The following BAZ2B variants were observed in gnomAD, a reference collection of about 807,000 sequenced individuals.
The protein encoded by BAZ2B is bromodomain adjacent to zinc finger domain protein 2B.
In BAZ2B, 91 loss-of-function variants were observed where a neutral mutation model predicts 246.0. The observed-to-expected ratio is 0.37, with a 90% confidence interval of 0.31 to 0.44. The LOEUF (loss-of-function observed/expected upper bound fraction) is 0.44. BAZ2B is among the 20% of genes least tolerant of loss of function. The pLI, the probability that BAZ2B is intolerant of heterozygous loss-of-function variation, is 1.00. For missense variants in BAZ2B, 2,332 were observed against 2,533.7 expected, an observed-to-expected ratio of 0.92 and a Z score of 1.71; for synonymous variants, 855 against 860.0, an observed-to-expected ratio of 0.99 and a Z score of 0.10.
Position 159,430,975 on chromosome 2 carries a change from G to A in BAZ2B, c.2082C>T (p.Asn694=), listed in dbSNP as rs764139090. ...AGCCTGGGGCTTTTGCTATGTGGAG[G>A]TTACGAGGTGTTGAGTGACCTGTGA... is the stretch of plus-strand genomic sequence containing the variant. ...MSLTGHSTPR[N]LHIAKAPGSA... is the part of the protein sequence containing the mutation. Residue 694 remains asparagine (N), a synonymous_variant, in exon 10 of 37, where the codon AAC becomes AAT. Transcript: ENST00000392783. 2 of 1,614,028 alleles carry A rather than the reference G, an allele frequency of 1.2e-6. No homozygotes were observed. Among genetic ancestry groups the A allele is most frequent in the Non-Finnish European group, 8.5e-7 (1 of 1,179,932 alleles).
intron 2 of BAZ2B, among the ~76,000 whole-genome samples, chr2:159,526,600 G>T (rs566085992): frequency 6.6e-6 from 1 of 152,210 alleles, no homozygotes; most frequent in South Asian, 2.1e-4. Context: ...GGAAGTGAAG[G>T]TTTAAGGTTT....
intron 3 of BAZ2B, among the ~76,000 whole-genome samples, chr2:159,467,983 T>C (rs1381266015): frequency 6.6e-6 from 1 of 152,080 alleles, no homozygotes; most frequent in African/African-American, 2.4e-5. Context: ...CATCTCAAAA[T>C]GTAAAGGGGA....
chr2:159,535,307 A>AGGTCAGGAGTTCAAGACCAGCCT (rs2085840395), intron 2 of BAZ2B, among the ~76,000 whole-genome samples: 1 of 152,196 alleles, frequency 6.6e-6, no homozygotes, highest in Non-Finnish European at 1.5e-5. Flanking sequence ...GGATCACTTG[A>AGGTCAGGAGTTCAAGACCAGCCT]GGTCAGGAGT....
At chr2:159,370,378 CT>C (rs55760591) in intron 27 of BAZ2B, among the ~76,000 whole-genome samples, 39 of 92,246 alleles carry the variant, frequency 4.2e-4, no homozygotes, top group Admixed American at 1.3e-3. Context: ...ACTGTACTAC[CT>C]TTTTTTTTTT....
At chr2:159,388,893 G>C (rs552020279) in intron 21 of BAZ2B, among the ~76,000 whole-genome samples, 2 of 151,902 alleles carry the variant, frequency 1.3e-5, no homozygotes, top group Non-Finnish European at 2.9e-5. Flanking sequence ...ATAAGAGTCT[G>C]CCGCTACAAA....
At chr2:159,395,443 C>A (rs1043652980) in intron 20 of BAZ2B, 2 of 170,588 alleles carry the variant, frequency 1.2e-5, no homozygotes, top group Non-Finnish European at 2.5e-5. Flanking sequence ...TTAGGACATA[C>A]AGGATTTGTC....
At chr2:159,423,488 T>C (rs916317930) in intron 13 of BAZ2B, among the ~76,000 whole-genome samples, 3 of 152,152 alleles carry the variant, frequency 2.0e-5, no homozygotes, top group African/African-American at 7.2e-5. Flanking sequence ...AAAACAGAAC[T>C]ACCATTAGAC....
the BAZ2B span, chr2:159,694,748 AGTT>A: frequency 6.6e-6 from 1 of 152,300 alleles, no homozygotes; most frequent in East Asian, 1.9e-4. Flanking sequence ...TGCACATTTC[AGTT>A]GTTTCCACAT....
intron 1 of BAZ2B, among the ~76,000 whole-genome samples, chr2:159,609,218 A>G (rs998442168): frequency 7.2e-5 from 11 of 152,166 alleles, no homozygotes; most frequent in Admixed American, 5.2e-4. Flanking sequence ...CCACCTAAAT[A>G]CTGTAAGAGC....
intron 10 of BAZ2B, among the ~76,000 whole-genome samples, chr2:159,429,570 A>T (rs546310752): frequency 6.6e-6 from 1 of 152,286 alleles, no homozygotes; most frequent in East Asian, 1.9e-4. Context: ...CAGGAGAGAA[A>T]TAGAGGTTTC....
At chr2:159,344,261 G>A (rs2067329670) in intron 31 of BAZ2B, among the ~76,000 whole-genome samples, 1 of 152,038 alleles carries the variant, frequency 6.6e-6, no homozygotes, top group Admixed American at 6.5e-5. Context: ...CATCTGGCCG[G>A]GTGTGGTGGC....
At chr2:159,569,934 A>C (rs1265848536) in intron 1 of BAZ2B, among the ~76,000 whole-genome samples, 2 of 152,170 alleles carry the variant, frequency 1.3e-5, no homozygotes, top group Non-Finnish European at 2.9e-5. Flanking sequence ...AGGTCAATAG[A>C]TTAAAATACA....
chr2:159,423,919 C>G (rs368370579), intron 13 of BAZ2B, among the ~76,000 whole-genome samples: 1 of 152,276 alleles, frequency 6.6e-6, no homozygotes, highest in East Asian at 1.9e-4. Flanking sequence ...CAATCGGGTA[C>G]TGTGCTCCAG....
chr2:159,370,259 T>G (rs113827618), intron 27 of BAZ2B, among the ~76,000 whole-genome samples: 23,123 of 151,764 alleles, frequency 0.15, 2,437 homozygotes, highest in African/African-American at 0.31. Flanking sequence ...ACATGGCACA[T>G]GTATACATAT....
the BAZ2B span, among the ~76,000 whole-genome samples, chr2:159,679,722 G>T: frequency 1.9e-4 from 29 of 152,284 alleles, no homozygotes; most frequent in East Asian, 3.1e-3. Context: ...TTATATATGA[G>T]AAAAGTGAAA....
the BAZ2B span, among the ~76,000 whole-genome samples, chr2:159,636,837 A>G: frequency 1.2e-4 from 19 of 152,212 alleles, no homozygotes; most frequent in Admixed American, 9.2e-4. Context: ...TTGGTCTTGC[A>G]TATTGGAAAC....
Position 159,385,271 on chromosome 2 carries a change from T to C in BAZ2B, c.3570A>G (p.Gln1190=). 2 of 1,613,544 alleles carry C rather than the reference T, an allele frequency of 1.2e-6. No individual in the cohort carries two copies. The highest frequency in any genetic ancestry group is 1.7e-6 in the Non-Finnish European group (2 of 1,179,642). The change falls in exon 23 of 37, where the codon CAA becomes CAG. Residue 1190 remains glutamine, a synonymous_variant. Coordinates refer to ENST00000392783, the MANE Select transcript of BAZ2B (RefSeq NM_013450.4). ...TCTTCAGACTTTCAGTAAGCTCAGT[T>C]TGTCCACAGTGGGCTTCCATAAATA... The part of the protein sequence containing the change: ...LQIFMEAHCG[Q]TELTESLKTK...
intron 20 of BAZ2B, 98 bp downstream of exon 20, chr2:159,395,671 C>A: frequency 6.3e-6 from 7 of 1,118,380 alleles, no homozygotes; most frequent in South Asian, 1.7e-5. Context: ...TAAATCACAA[C>A]AAACCTATAT....
chr2:159,399,160 T>C (rs1328349958), intron 17 of BAZ2B, among the ~76,000 whole-genome samples: 1 of 152,242 alleles, frequency 6.6e-6, no homozygotes, highest in Non-Finnish European at 1.5e-5. Context: ...TTGTTAAGTC[T>C]GAAATAATTG....
Sources: allele counts gnomAD v4.1 joint callset (sites outside exome capture counted in the v4.1 genomes callset), GRCh38; gene constraint gnomAD v4.1.1; transcripts MANE v1.5; gene names NCBI Gene and HGNC (gene_info 2026-07-23, HGNC 2026-07-21).